Variants in TVP23A observed in about 807,000 individuals in gnomAD.
The protein encoded by TVP23A is Golgi apparatus membrane protein TVP23 homolog A.
In TVP23A, 21 loss-of-function variants were observed where a neutral mutation model predicts 31.7. The observed-to-expected ratio is 0.66, with a 90% CI of 0.47 to 0.95. The LOEUF (loss-of-function observed/expected upper bound fraction) is 0.95, where lower values mean the gene tolerates loss of function less well. Among genes scored for constraint, TVP23A ranks in the 40% least tolerant of loss-of-function variants. The pLI, the probability that TVP23A is intolerant of heterozygous loss-of-function variation, is 0.00. For missense variants in TVP23A, 279 were observed against 255.6 expected (o/e 1.09, Z -0.62); for synonymous variants, 104 against 96.0 (o/e 1.08, Z -0.49).
Position 10,774,020 on chromosome 16 carries a change from A to G in TVP23A, c.324+19T>C. On this transcript the variant is annotated intron_variant, in intron 4 of 7. Coordinates refer to ENST00000299866, the MANE Select transcript of TVP23A (RefSeq NM_001079512.4). ...CCATTATCCCCGCTCTGGTTAGTTC[A>G]GCTCGTCATGGAGAATACCTTCCTG... 3 of 1,595,532 alleles carry G rather than the reference A, an allele frequency of 1.9e-6. No individual in the cohort carries two copies. Among genetic ancestry groups the G allele is most frequent in the Non-Finnish European group, 2.6e-6 (3 of 1,167,670 alleles).
At chr16:10,817,712 C>G (rs772713699) in intron 2 of TVP23A, among the ~76,000 whole-genome samples, 2 of 152,224 alleles carry the variant, frequency 1.3e-5, no homozygotes, top group Non-Finnish European at 2.9e-5. Context: ...GCTTGGAACA[C>G]TCTCCCTCTG....
intron 2 of TVP23A, among the ~76,000 whole-genome samples, chr16:10,802,750 AT>A (rs1343661472): frequency 3.3e-5 from 5 of 152,130 alleles, no homozygotes; most frequent in African/African-American, 1.2e-4. Flanking sequence ...TATTTTACAT[AT>A]TTATTTTATT....
At chr16:10,778,353 C>T (rs1161555780) in intron 2 of TVP23A, among the ~76,000 whole-genome samples, 1 of 152,056 alleles carries the variant, frequency 6.6e-6, no homozygotes, top group African/African-American at 2.4e-5. Context: ...GACAGGATCA[C>T]ATAGAACTTA....
intron 2 of TVP23A, among the ~76,000 whole-genome samples, chr16:10,816,724 G>C (rs2034455169): frequency 6.6e-6 from 1 of 151,954 alleles, no homozygotes; most frequent in Admixed American, 6.6e-5. Context: ...ATAAGAAAGA[G>C]GCACGGGGGA....
chr16:10,803,675 G>A (rs2142998982), intron 2 of TVP23A, among the ~76,000 whole-genome samples: 2 of 152,266 alleles, frequency 1.3e-5, no homozygotes, highest in South Asian at 4.2e-4. Flanking sequence ...TCCCAGCAGG[G>A]TATCCATGAG....
At chr16:10,803,763 G>A (rs575155427) in intron 2 of TVP23A, among the ~76,000 whole-genome samples, 163 of 152,254 alleles carry the variant, frequency 1.1e-3, no homozygotes, top group African/African-American at 3.8e-3. Flanking sequence ...TCAGGGCTGG[G>A]TAGACATTGG....
intron 2 of TVP23A, among the ~76,000 whole-genome samples, chr16:10,785,732 C>G (rs758603321): frequency 6.6e-6 from 1 of 152,126 alleles, no homozygotes; most frequent in Non-Finnish European, 1.5e-5. Context: ...TCTGGAAAGG[C>G]GGAACACCTT....
chr16:10,789,764 G>A lies in TVP23A; in HGVS notation c.90-14668C>T, dbSNP rs576708096. Among the ~76,000 whole-genome samples, 8 of 149,944 alleles carry A rather than the reference G, an allele frequency of 5.3e-5. No individual in the cohort carries two copies. In the East Asian group the frequency reaches 1.2e-3, roughly 22 times the overall value. ...GCAAAAGGCTTGAACCCAAGAGGTA[G>A]AGGTTGCAGTGAACTAAGATTGTGC... is the stretch of plus-strand genomic sequence containing the variant. On this transcript the variant is annotated intron_variant, in intron 2 of 7. Coordinates refer to ENST00000299866, the MANE Select transcript of TVP23A (RefSeq NM_001079512.4).
At chr16:10,785,173 G>T (rs1160840231) in intron 2 of TVP23A, among the ~76,000 whole-genome samples, 14 of 151,886 alleles carry the variant, frequency 9.2e-5, no homozygotes, top group Admixed American at 9.2e-4. Context: ...GGGAGGCCAA[G>T]GCGGGTGGAT....
chr16:10,807,241 G>A lies in TVP23A; in HGVS notation c.89+10862C>T, dbSNP rs142798437. Among the ~76,000 whole-genome samples, 184 of 152,240 alleles carry A rather than the reference G, an allele frequency of 1.2e-3. 1 individual carries two copies. Among genetic ancestry groups the A allele is most frequent in the African/African-American group, 3.9e-3 (162 of 41,542 alleles). On this transcript the variant is annotated intron_variant, in intron 2 of 7. Transcript: ENST00000299866. ...GCATGATGTGTGTGCATGTCTGTGC[G>A]TGGGTACCAATTAGAGATGTGCTAT...
downstream of TVP23A, among the ~76,000 whole-genome samples, chr16:10,758,544 T>G (rs74007535): frequency 0.029 from 4,392 of 151,642 alleles, 224 homozygotes; most frequent in African/African-American, 0.1. Context: ...AACGATTTGG[T>G]TTTTTTTTAG....
At chr16:10,760,950 C>T (rs905969717), downstream of TVP23A, 4 of 195,758 alleles carry the variant, frequency 2.0e-5, no homozygotes, top group African/African-American at 9.3e-5. Flanking sequence ...ATTCACAGTT[C>T]TGCATGGCTG....
rs62026503 is a variant in TVP23A, at chr16:10,786,057, T to A, written c.90-10961A>T. On this transcript the variant is annotated intron_variant, in intron 2 of 7. Transcript: ENST00000299866. ...TTAGAGACAAATGGTTGTGTTCTTT[T>A]AAGTTTCTGATGAGTGTCTCCAAAG... 2.7e-3 allele frequency among the ~76,000 whole-genome samples: 407 copies of A among 152,326 alleles called. 4 individuals carry two copies. The highest frequency in any genetic ancestry group is 4.3e-3 in the Admixed American group (66 of 15,302).
intron 2 of TVP23A, among the ~76,000 whole-genome samples, chr16:10,794,288 T>A (rs1320339560): frequency 1.3e-5 from 2 of 152,026 alleles, no homozygotes; most frequent in African/African-American, 4.8e-5. Context: ...TGGCATTGCT[T>A]GTCTTGTAGC....
intron 2 of TVP23A, among the ~76,000 whole-genome samples, chr16:10,781,924 T>C (rs2142944741): frequency 6.9e-6 from 1 of 144,438 alleles, no homozygotes; most frequent in African/African-American, 2.7e-5. Context: ...TGCAGTGATA[T>C]GATCTCGGCT....
At position 10,777,999 on chromosome 16, in the gene TVP23A, G is replaced by A. The variant is rs1039516837; in HGVS notation, c.90-2903C>T. On this transcript the variant is annotated intron_variant, in intron 2 of 7. Transcript: ENST00000299866. This position sits in a 1 kb window ranked among gnomAD's most constrained non-coding sequence, Gnocchi z 4.5. Reference sequence around the variant, plus strand: ...GCACTCCAGCCTGGTGACAGAGCGAGACTCCGTCTCAAAAAAAATAAAAAT... The same window carrying A: ...GCACTCCAGCCTGGTGACAGAGCGAAACTCCGTCTCAAAAAAAATAAAAAT... 1.3e-5 allele frequency among the ~76,000 whole-genome samples: 2 copies of A among 150,288 alleles called. No individual in the cohort carries two copies. Among genetic ancestry groups the A allele is most frequent in the African/African-American group, 4.9e-5 (2 of 40,664 alleles).
At chr16:10,758,082 T>G, downstream of TVP23A, 4 of 1,583,648 alleles carry the variant, frequency 2.5e-6, no homozygotes, top group Non-Finnish European at 1.7e-6. Context: ...ACTGTGAGAT[T>G]TCTTTCCTAC....
At chr16:10,806,853 A>T (rs1425319571) in intron 2 of TVP23A, among the ~76,000 whole-genome samples, 1 of 152,232 alleles carries the variant, frequency 6.6e-6, no homozygotes, top group East Asian at 1.9e-4. Context: ...CATGTGAACA[A>T]GAAATATAAA....
chr16:10,765,558 C>T (rs182470652), downstream of TVP23A, among the ~76,000 whole-genome samples: 8 of 152,194 alleles, frequency 5.3e-5, no homozygotes, highest in Admixed American at 4.6e-4. The surrounding 1 kb of genome is among the most constrained non-coding windows in gnomAD (Gnocchi z 4.0). Context: ...AATATGTCCA[C>T]GGGCCCAGCC....
Sources: gnomAD v4.1 joint callset for allele counts (sites outside exome capture counted in the v4.1 genomes callset) on GRCh38, gnomAD v4.1.1 for gene constraint, Gnocchi (gnomAD v3.1) non-coding constraint, MANE v1.5 for transcripts, NCBI Gene and HGNC (gene_info 2026-07-23, HGNC 2026-07-21) for gene names.